Variants in DYM observed in about 807,000 individuals in gnomAD.
DYM encodes dyggve-Melchior-Clausen syndrome protein.
DYM carries 78 observed loss-of-function variants against 93.1 expected under a neutral mutation model. The observed-to-expected ratio is 0.84, with a 90% CI of 0.70 to 1.01. The LOEUF is 1.01. Among genes scored for constraint, DYM ranks in the 50% least tolerant of loss-of-function variants. The pLI is 0.00. For missense variants in DYM, 789 were observed against 845.0 expected (o/e 0.93, Z 0.82); for synonymous variants, 321 against 319.7 (o/e 1.00, Z -0.04).
intron 13 of DYM, among the ~76,000 whole-genome samples, chr18:49,255,990 A>C (rs2094386371): frequency 6.6e-6 from 1 of 150,540 alleles, no homozygotes; most frequent in Admixed American, 6.6e-5. Flanking sequence ...AGGCTGAGGC[A>C]GGAGAATGAC....
chr18:49,316,050 G>A (rs1258534928), intron 8 of DYM, among the ~76,000 whole-genome samples: 1 of 152,214 alleles, frequency 6.6e-6, no homozygotes, highest in African/African-American at 2.4e-5. Flanking sequence ...GGGAGGCCAA[G>A]GTGAGCAGAT....
At chr18:49,289,760 T>G (rs56185813) in intron 8 of DYM, among the ~76,000 whole-genome samples, 1 of 37,572 alleles carries the variant, frequency 2.7e-5, no homozygotes, top group African/African-American at 1.0e-4. Context: ...TATATATATA[T>G]ATATATATAT....
chr18:49,452,090 A>G (rs1339072519), intron 1 of DYM, among the ~76,000 whole-genome samples: 1 of 152,214 alleles, frequency 6.6e-6, no homozygotes, highest in African/African-American at 2.4e-5. Context: ...CATTGACTTC[A>G]AGAATGAAGC....
intron 6 of DYM, among the ~76,000 whole-genome samples, chr18:49,356,619 C>T (rs923557456): frequency 2.0e-5 from 3 of 152,184 alleles, no homozygotes; most frequent in African/African-American, 7.2e-5. Context: ...CTAGGCCCTT[C>T]GTTGCCAACC....
chr18:49,433,980 C>T (rs905115629), intron 1 of DYM, among the ~76,000 whole-genome samples: 2 of 152,138 alleles, frequency 1.3e-5, no homozygotes, highest in African/African-American at 4.8e-5. Context: ...GAGGCCAAGG[C>T]GGATGGGTCA....
At chr18:49,181,723 C>CT (rs1207395571) in intron 14 of DYM, among the ~76,000 whole-genome samples, 1 of 152,154 alleles carries the variant, frequency 6.6e-6, no homozygotes, top group Non-Finnish European at 1.5e-5. Flanking sequence ...CACATACAAT[C>CT]TTGGCCAAAG....
intron 7 of DYM, among the ~76,000 whole-genome samples, chr18:49,332,811 G>T (rs2063403172): frequency 6.6e-6 from 1 of 152,126 alleles, no homozygotes; most frequent in African/African-American, 2.4e-5. Flanking sequence ...AAAGCAACTT[G>T]AATACTCTGG....
At chr18:49,126,144 A>G (rs1158664876) in intron 15 of DYM, 3 of 152,178 alleles carry the variant, frequency 2.0e-5, no homozygotes, top group Admixed American at 2.0e-4. Context: ...GCTAACCACT[A>G]CTTTAATTAT....
chr18:49,224,578 CT>C (rs1266481242), intron 13 of DYM, among the ~76,000 whole-genome samples: 1 of 151,982 alleles, frequency 6.6e-6, no homozygotes, highest in Non-Finnish European at 1.5e-5. Context: ...AGGGTACAGC[CT>C]TCATGTATGG....
chr18:49,444,405 A>G lies in DYM; in HGVS notation c.-53-13958T>C, dbSNP rs1244021749. On this transcript the variant is annotated intron_variant, in intron 1 of 17. Coordinates refer to ENST00000675505, the MANE Select transcript of DYM (RefSeq NM_001353214.3). ...ACTATTGTTGCTGCAGACTTGATAT[A>G]TCTGTTAATGAATTCAGCCTAAAGT... Among the ~76,000 whole-genome samples the G allele has an allele frequency of 3.9e-5, 6 of 152,308 alleles. No individual in the cohort carries two copies. The East Asian group carries it at 1.2e-3, about 29-fold the overall frequency.
intron 2 of DYM, among the ~76,000 whole-genome samples, chr18:49,411,127 G>A (rs1003161791): frequency 4.0e-5 from 6 of 151,854 alleles, no homozygotes; most frequent in African/African-American, 7.3e-5. Context: ...CCAATGTCAC[G>A]GTATAAGAAT....
chr18:49,321,932 C>A (rs2062513281), intron 8 of DYM, among the ~76,000 whole-genome samples: 1 of 152,022 alleles, frequency 6.6e-6, no homozygotes, highest in Non-Finnish European at 1.5e-5. Flanking sequence ...TTGCCACATA[C>A]TTTTTCTCTT....
intron 6 of DYM, among the ~76,000 whole-genome samples, chr18:49,357,825 CA>C (rs2065694989): frequency 6.6e-6 from 1 of 152,168 alleles, no homozygotes; most frequent in East Asian, 1.9e-4. Context: ...AGAGAGGTAA[CA>C]GGTAATATGA....
Position 49,216,921 on chromosome 18 carries a change from G to T in DYM, c.1461-7206C>A, listed in dbSNP as rs1419326966. Among the ~76,000 whole-genome samples, 10 of 152,324 alleles carry T rather than the reference G, an allele frequency of 6.6e-5. No individual in the cohort carries two copies. In the South Asian group the frequency reaches 2.1e-3, roughly 32 times the overall value. ...TGGACGGAGAATGACTTTGACGAGT[G>T]GAGAGAAGAAGACTTCAGACAATCA... On this transcript the variant is annotated intron_variant, in intron 13 of 17. Coordinates refer to ENST00000675505, the MANE Select transcript of DYM (RefSeq NM_001353214.3).
At position 49,258,489 on chromosome 18, in the gene DYM, A is replaced by C. The variant is rs769538092; in HGVS notation, c.1256T>G (p.Leu419Arg). Residue 419 changes from leucine to arginine, a missense_variant, in exon 12 of 18, where the codon CTA becomes CGA. This residue lies in a region of DYM where 225 missense variants were observed against 303.0 expected (regional missense o/e 0.74). Coordinates refer to ENST00000675505, the MANE Select transcript of DYM (RefSeq NM_001353214.3). ...GFNRSIHEVILKNITWYSERV... is the reference protein window; with the variant it reads ...GFNRSIHEVIRKNITWYSERV... Reference sequence around the variant, plus strand: ...TTCTGAATACCAAGTAATATTTTTTAGTATCTGTAATGGGGAAGAAAAGTT... The same window carrying C: ...TTCTGAATACCAAGTAATATTTTTTCGTATCTGTAATGGGGAAGAAAAGTT... The C allele has an allele frequency of 6.3e-7, 1 of 1,578,928 alleles. No homozygotes were observed. The highest frequency in any genetic ancestry group is 1.3e-5 in the African/African-American group (1 of 74,226).
chr18:49,263,320 T>A (rs976955260), intron 11 of DYM, among the ~76,000 whole-genome samples: 1 of 151,820 alleles, frequency 6.6e-6, no homozygotes, highest in African/African-American at 2.4e-5. Flanking sequence ...GGTTTCCCCA[T>A]GTTCGCCAGG....
chr18:49,332,886 C>A (rs1257839341), intron 7 of DYM, among the ~76,000 whole-genome samples: 1 of 152,172 alleles, frequency 6.6e-6, no homozygotes, highest in African/African-American at 2.4e-5. Context: ...ACGATGCCAG[C>A]ACTACTTCAA....
At chr18:49,209,738 G>A in intron 13 of DYM, 23 bp from the exon 14 acceptor site, 3 of 1,213,238 alleles carry the variant, frequency 2.5e-6, no homozygotes, top group African/African-American at 3.1e-5. Context: ...GGTAAAAGGA[G>A]AGAAACAGAA....
rs1334937183 is a variant in DYM at position 49,219,701 on chromosome 18, T to C, written c.1461-9986A>G. 7.9e-3 allele frequency among the ~76,000 whole-genome samples: 1,187 copies of C among 150,144 alleles called. 4 individuals carry two copies. Among genetic ancestry groups the C allele is most frequent in the Non-Finnish European group, 0.014 (950 of 67,422 alleles). Reference sequence around the variant, plus strand: ...TGCAGAAAAGGCCTTTGACAAAATTTAACAACACTTCATGCTAAAAACTCT... The same window carrying C: ...TGCAGAAAAGGCCTTTGACAAAATTCAACAACACTTCATGCTAAAAACTCT... On this transcript the variant is annotated intron_variant, in intron 13 of 17. Transcript: ENST00000675505.
Sources: allele counts gnomAD v4.1 joint callset (sites outside exome capture counted in the v4.1 genomes callset), GRCh38; gene constraint gnomAD v4.1.1; regional missense constraint gnomAD v4.1.1; transcripts MANE v1.5; gene names NCBI Gene and HGNC (gene_info 2026-07-23, HGNC 2026-07-21).